Variants in HMGA2 observed in about 807,000 individuals in gnomAD.
HMGA2 encodes the protein high mobility group AT-hook 2, also known as high mobility group protein HMGI-C.
In HMGA2, 8 loss-of-function variants were observed where a neutral mutation model predicts 19.1. The ratio of observed to expected loss-of-function variants is 0.42; its 90% CI spans 0.25 to 0.76. The LOEUF (loss-of-function observed/expected upper bound fraction) is 0.76. Among genes scored for constraint, HMGA2 ranks in the 30% least tolerant of loss-of-function variants. The pLI is 0.28. For synonymous variants in HMGA2, 60 were observed against 48.8 expected (o/e 1.23, Z -0.96); for missense variants, 109 against 136.3 (o/e 0.80, Z 1.00).
chr12:65,872,263 G>A (rs377246798), intron 3 of HMGA2, among the ~76,000 whole-genome samples: 5 of 152,088 alleles, frequency 3.3e-5, no homozygotes, highest in East Asian at 1.9e-4. Context: ...CACATCAGCC[G>A]TGCCTCCTTA....
chr12:65,879,647 T>A (rs1370547408), intron 3 of HMGA2, among the ~76,000 whole-genome samples: 1 of 152,194 alleles, frequency 6.6e-6, no homozygotes, highest in Non-Finnish European at 1.5e-5. Context: ...CACAAAACTC[T>A]ACTATAATCT....
chr12:65,828,379 G>C (rs1270677888), intron 2 of HMGA2: 1 of 264,002 alleles, frequency 3.8e-6, no homozygotes, highest in Middle Eastern at 1.5e-3. Context: ...TTGCGGGGGG[G>C]GCGGGATGAA....
chr12:65,873,894 T>C (rs950512423), intron 3 of HMGA2: 5 of 152,290 alleles, frequency 3.3e-5, no homozygotes, highest in East Asian at 3.9e-4. Flanking sequence ...GCTGTCCTTA[T>C]GGAATTCAAA....
chr12:65,944,209 A>G (rs1417672200), intron 3 of HMGA2, among the ~76,000 whole-genome samples: 1 of 152,230 alleles, frequency 6.6e-6, no homozygotes, highest in Non-Finnish European at 1.5e-5. Context: ...GAACTCCCCT[A>G]TATCTGATCA....
At chr12:65,949,340 G>C (rs1377757894) in intron 3 of HMGA2, among the ~76,000 whole-genome samples, 1 of 151,756 alleles carries the variant, frequency 6.6e-6, no homozygotes, top group Non-Finnish European at 1.5e-5. Context: ...ATAAACCACT[G>C]TACCACTGAG....
chr12:65,842,472 A>G, intron 3 of HMGA2: 1 of 820,100 alleles, frequency 1.2e-6, no homozygotes, highest in South Asian at 1.7e-5. Flanking sequence ...ATGTCAGACT[A>G]ACCAAGTACC....
intron 3 of HMGA2, among the ~76,000 whole-genome samples, chr12:65,892,766 T>C (rs1020405426): frequency 6.6e-6 from 1 of 152,172 alleles, no homozygotes; most frequent in African/African-American, 2.4e-5. Flanking sequence ...CATCCTGTTG[T>C]TAAAACTTAA....
At chr12:65,873,384 C>G (rs890097980) in intron 3 of HMGA2, among the ~76,000 whole-genome samples, 4 of 151,486 alleles carry the variant, frequency 2.6e-5, no homozygotes, top group African/African-American at 9.7e-5. Context: ...TGGCTTATTT[C>G]CTTTTCTCAA....
At chr12:65,936,518 G>A (rs1448104722) in intron 3 of HMGA2, among the ~76,000 whole-genome samples, 2 of 152,184 alleles carry the variant, frequency 1.3e-5, no homozygotes, top group Non-Finnish European at 2.9e-5. Flanking sequence ...TTGCAAATCA[G>A]AGAGTGCAGG....
At chr12:65,938,322 T>C (rs527760950) in intron 3 of HMGA2, among the ~76,000 whole-genome samples, 114 of 152,332 alleles carry the variant, frequency 7.5e-4, no homozygotes, top group Non-Finnish European at 6.5e-4. Context: ...AATATCCTTA[T>C]TATTAAATCA....
chr12:65,872,823 A>G (rs547051960), intron 3 of HMGA2, among the ~76,000 whole-genome samples: 20 of 152,180 alleles, frequency 1.3e-4, no homozygotes, highest in Non-Finnish European at 2.2e-4. Context: ...TTCAATGACT[A>G]CCATTCACCC....
chr12:65,825,153 C>A lies in HMGA2; in HGVS notation c.-118C>A, dbSNP rs1389602837. The A allele has an allele frequency of 2.4e-6, 2 of 819,618 alleles. No individual in the cohort carries two copies. Among genetic ancestry groups the A allele is most frequent in the South Asian group, 2.0e-5 (1 of 50,802 alleles). The allele number at this position is 819,618 out of a possible 1,614,324, so 50.8% of individuals were successfully genotyped here. ...CAGCAGCCCTCGCAGCCCGCCAGCT[C>A]GCGCTCGCCCCGCCGGCGTCCCCAG... is the stretch of plus-strand genomic sequence containing the variant. On this transcript the variant is annotated 5_prime_UTR_variant, in exon 1 of 5. Coordinates refer to ENST00000403681, the MANE Select transcript of HMGA2 (RefSeq NM_003483.6). This position sits in a 1 kb window ranked among gnomAD's most constrained non-coding sequence, Gnocchi z 4.4.
intron 3 of HMGA2, chr12:65,842,957 C>A: frequency 1.1e-6 from 1 of 948,620 alleles, no homozygotes; most frequent in Non-Finnish European, 1.3e-6. Flanking sequence ...CTTAGTGATG[C>A]AGCTAGTGCT....
chr12:65,943,595 G>A lies in HMGA2; in HGVS notation c.250-7788G>A, dbSNP rs1415455029. Among the ~76,000 whole-genome samples, 4 of 152,094 alleles carry A rather than the reference G, an allele frequency of 2.6e-5. 1 individual carries two copies. The highest frequency in any genetic ancestry group is 7.2e-5 in the African/African-American group (3 of 41,410). ...TTGTCTTTTGCATTAAAGTCTAAGC[G>A]CAAAGCCAAGTAGAATAGAAAATAA... On this transcript the variant is annotated intron_variant, in intron 3 of 4. Transcript: ENST00000403681.
intron 3 of HMGA2, among the ~76,000 whole-genome samples, chr12:65,861,021 T>C (rs539462814): frequency 1.6e-4 from 25 of 152,334 alleles, no homozygotes; most frequent in African/African-American, 4.8e-4. Context: ...GTGTCTACTT[T>C]GGGGCATTTT....
At chr12:65,885,178 A>G (rs1213165061) in intron 3 of HMGA2, among the ~76,000 whole-genome samples, 1 of 152,178 alleles carries the variant, frequency 6.6e-6, no homozygotes, top group South Asian at 2.1e-4. Flanking sequence ...GTGACATATA[A>G]CAGATGAAAT....
intron 3 of HMGA2, among the ~76,000 whole-genome samples, chr12:65,899,937 C>T (rs986699374): frequency 6.6e-6 from 1 of 152,154 alleles, no homozygotes; most frequent in Non-Finnish European, 1.5e-5. Flanking sequence ...ACTAAGGCAA[C>T]TATGCAGGGA....
At chr12:65,923,425 T>G (rs536360821) in intron 3 of HMGA2, among the ~76,000 whole-genome samples, 6 of 152,322 alleles carry the variant, frequency 3.9e-5, no homozygotes, top group African/African-American at 1.2e-4. Flanking sequence ...CACCACCCAC[T>G]AGGGGCTTCC....
intron 3 of HMGA2, among the ~76,000 whole-genome samples, chr12:65,878,773 A>C (rs1046426683): frequency 7.2e-5 from 11 of 152,320 alleles, no homozygotes; most frequent in African/African-American, 2.6e-4. Context: ...ATGACTTGCA[A>C]GGAATGCAGG....
Sources: gnomAD v4.1 joint callset for allele counts (sites outside exome capture counted in the v4.1 genomes callset) on GRCh38, gnomAD v4.1.1 for gene constraint, Gnocchi (gnomAD v3.1) non-coding constraint, MANE v1.5 for transcripts, NCBI Gene and HGNC (gene_info 2026-07-23, HGNC 2026-07-21) for gene names.